Variants in ARB2A observed in about 807,000 individuals in gnomAD.
ARB2A encodes ARB2 cotranscriptional regulator A, also known as cotranscriptional regulator ARB2A.
the ARB2A span, chr5:93,805,499 C>CT: frequency 2.0e-6 from 2 of 985,124 alleles, no homozygotes; most frequent in Non-Finnish European, 2.4e-6. Flanking sequence ...AGAAGGTGTT[C>CT]TTCCAGTGTA....
chr5:93,910,082 C>CAT, the ARB2A span, among the ~76,000 whole-genome samples: 37 of 149,356 alleles, frequency 2.5e-4, no homozygotes, highest in South Asian at 2.3e-3. Flanking sequence ...CTATACTAGC[C>CAT]ATATATATAT....
At chr5:93,894,249 T>A in the ARB2A span, among the ~76,000 whole-genome samples, 1 of 152,184 alleles carries the variant, frequency 6.6e-6, no homozygotes, top group Admixed American at 6.6e-5. Flanking sequence ...TACTAATTTA[T>A]CTCTATAATT....
At chr5:93,712,531 T>C in the ARB2A span, among the ~76,000 whole-genome samples, 14 of 152,184 alleles carry the variant, frequency 9.2e-5, no homozygotes, top group Non-Finnish European at 1.3e-4. Flanking sequence ...ATAGATGTTA[T>C]GGTCCTGTAT....
the ARB2A span, among the ~76,000 whole-genome samples, chr5:93,976,157 T>C: frequency 1.3e-5 from 2 of 152,164 alleles, no homozygotes; most frequent in Non-Finnish European, 2.9e-5. Flanking sequence ...TGTTATTTAT[T>C]GTTATTGAGA....
chr5:93,788,863 A>G, the ARB2A span, among the ~76,000 whole-genome samples: 1 of 152,172 alleles, frequency 6.6e-6, no homozygotes, highest in Non-Finnish European at 1.5e-5. Flanking sequence ...ACTCAATTCA[A>G]TCTCCCAACC....
At chr5:93,793,430 A>G in the ARB2A span, among the ~76,000 whole-genome samples, 1 of 151,644 alleles carries the variant, frequency 6.6e-6, no homozygotes, top group Non-Finnish European at 1.5e-5. Context: ...GGCTATTTGT[A>G]CATAATATCC....
At chr5:93,958,806 G>A in the ARB2A span, 1 of 1,577,474 alleles carries the variant, frequency 6.3e-7, no homozygotes, top group Non-Finnish European at 8.6e-7. Flanking sequence ...AACGGTATCT[G>A]TGTGCCACTG....
the ARB2A span, among the ~76,000 whole-genome samples, chr5:93,951,922 G>C: frequency 6.6e-6 from 1 of 152,342 alleles, no homozygotes; most frequent in African/African-American, 2.4e-5. Flanking sequence ...TTACAACACA[G>C]TGGTAAATCC....
chr5:93,934,945 AG>A, the ARB2A span, among the ~76,000 whole-genome samples: 1 of 152,190 alleles, frequency 6.6e-6, no homozygotes, highest in Admixed American at 6.5e-5. Flanking sequence ...ATGGAACTGG[AG>A]ACCATTATTC....
At chr5:93,734,018 T>C in the ARB2A span, 1 of 152,208 alleles carries the variant, frequency 6.6e-6, no homozygotes, top group Non-Finnish European at 1.5e-5. Context: ...ATATACAGTA[T>C]ATCTCTTTCA....
the ARB2A span, among the ~76,000 whole-genome samples, chr5:93,915,912 C>T: frequency 2.0e-5 from 3 of 151,962 alleles, no homozygotes; most frequent in Non-Finnish European, 2.9e-5. Flanking sequence ...AAGAGTTCTA[C>T]CATGGCTGGA....
the ARB2A span, among the ~76,000 whole-genome samples, chr5:94,031,513 C>T: frequency 6.6e-6 from 1 of 152,170 alleles, no homozygotes; most frequent in Non-Finnish European, 1.5e-5. Context: ...GAAGTAACTT[C>T]TTACAGCGAG....
the ARB2A span, among the ~76,000 whole-genome samples, chr5:93,994,510 G>A: frequency 6.6e-6 from 1 of 152,086 alleles, no homozygotes; most frequent in Non-Finnish European, 1.5e-5. Flanking sequence ...AGGAGCTGTG[G>A]GAAAGAAGAA....
At chr5:93,809,345 T>C in the ARB2A span, among the ~76,000 whole-genome samples, 2 of 151,988 alleles carry the variant, frequency 1.3e-5, no homozygotes, top group African/African-American at 4.8e-5. Flanking sequence ...AGTTTACCCA[T>C]GTAACAAACC....
At chr5:93,945,292 T>C in the ARB2A span, among the ~76,000 whole-genome samples, 8 of 151,836 alleles carry the variant, frequency 5.3e-5, no homozygotes, top group Non-Finnish European at 8.8e-5. Context: ...CAGGTGCCTG[T>C]AATCCCAGCT....
the ARB2A span, chr5:93,683,209 C>T: frequency 4.2e-5 from 56 of 1,338,446 alleles, no homozygotes; most frequent in Admixed American, 2.5e-4. Context: ...CATCATCATC[C>T]TCTTCATCAT....
chr5:93,714,894 G>A, the ARB2A span, among the ~76,000 whole-genome samples: 13 of 152,146 alleles, frequency 8.5e-5, no homozygotes, highest in Non-Finnish European at 1.9e-4. Flanking sequence ...TCACTGCACC[G>A]GAGTTACACC....
At chr5:93,859,189 A>G in the ARB2A span, among the ~76,000 whole-genome samples, 1 of 152,162 alleles carries the variant, frequency 6.6e-6, no homozygotes, top group Non-Finnish European at 1.5e-5. Flanking sequence ...AAACTGATTA[A>G]CCATTTTGAA....
At chr5:93,710,873 A>C in the ARB2A span, among the ~76,000 whole-genome samples, 1 of 152,250 alleles carries the variant, frequency 6.6e-6, no homozygotes, top group Non-Finnish European at 1.5e-5. Context: ...TAAAAATAAA[A>C]ATAGGTTACA....
Sources: allele counts gnomAD v4.1 joint callset (sites outside exome capture counted in the v4.1 genomes callset), GRCh38; gene constraint gnomAD v4.1.1; transcripts MANE v1.5; gene names NCBI Gene and HGNC (gene_info 2026-07-23, HGNC 2026-07-21).